The following AFF2 variants were observed in gnomAD, a reference collection of about 807,000 sequenced individuals.
AFF2 encodes ALF transcription elongation factor 2, also known as AF4/FMR2 family member 2.
AFF2 carries 14 observed loss-of-function variants against 76.9 expected under a neutral mutation model. The ratio of observed to expected loss-of-function variants is 0.18; its 90% CI spans 0.12 to 0.28. The LOEUF (loss-of-function observed/expected upper bound fraction) is 0.28. Among genes scored for constraint, AFF2 ranks in the 10% least tolerant of loss-of-function variants. The pLI is 1.00. For synonymous variants in AFF2, 398 were observed against 366.7 expected (o/e 1.09, Z -0.98); for missense variants, 868 against 1,001.1 (o/e 0.87, Z 1.79).
chrX:148,534,749 A>T (rs782576324), intron 1 of AFF2, among the ~76,000 whole-genome samples: 1 of 112,881 alleles, frequency 8.9e-6, no homozygotes, highest in South Asian at 3.6e-4. Context: ...AAGTAATAGA[A>T]GATGTCTGAC....
Position 148,980,625 on chromosome X carries a change from G to A in AFF2, c.3571-113G>A, listed in dbSNP as rs1417851922. ...CACATACATCCCAGCTCTGCATCCC[G>A]AAATGCTGCAATCAATATTAATGTA... is the stretch of plus-strand genomic sequence containing the variant. On this transcript the variant is annotated intron_variant, in intron 18 of 20. Coordinates refer to ENST00000370460, the MANE Select transcript of AFF2 (RefSeq NM_002025.4). 18 of 550,651 alleles carry A rather than the reference G, an allele frequency of 3.3e-5. No homozygotes were observed. The Admixed American group carries it at 3.5e-4, about 11-fold the overall frequency. 45.4% of individuals were successfully genotyped at this position (550,651 alleles called of 1,213,427 possible).
chrX:148,885,226 A>T (rs1267574481), intron 7 of AFF2, among the ~76,000 whole-genome samples: 3 of 111,746 alleles, frequency 2.7e-5, no homozygotes, highest in Non-Finnish European at 5.6e-5. Context: ...CAAAATCCAG[A>T]CCACTCATTT....
intron 3 of AFF2, among the ~76,000 whole-genome samples, chrX:148,797,320 T>C (rs2069997988): frequency 9.0e-6 from 1 of 111,678 alleles, no homozygotes; most frequent in Non-Finnish European, 1.9e-5. Context: ...GTCATACAGT[T>C]TGTCACTGAA....
At chrX:148,923,015 T>C (rs1217571020) in intron 9 of AFF2, among the ~76,000 whole-genome samples, 1 of 111,912 alleles carries the variant, frequency 8.9e-6, no homozygotes, top group Non-Finnish European at 1.9e-5. Flanking sequence ...TGGAGGAACA[T>C]GTTCATTAGA....
intron 2 of AFF2, among the ~76,000 whole-genome samples, chrX:148,659,174 A>G (rs1185192382): frequency 8.9e-6 from 1 of 112,331 alleles, no homozygotes; most frequent in Non-Finnish European, 1.9e-5. Context: ...AATTTCAAGT[A>G]TATTTTTAAA....
At chrX:148,782,831 A>C (rs1180952902) in intron 3 of AFF2, among the ~76,000 whole-genome samples, 2 of 111,756 alleles carry the variant, frequency 1.8e-5, no homozygotes, top group Non-Finnish European at 3.8e-5. Flanking sequence ...CTGAACAGTA[A>C]AAAACGGCAT....
At position 148,621,871 on chromosome X, in the gene AFF2, T is replaced by C. The variant is rs1411808821; in HGVS notation, c.48-30128T>C. ...GTGGGTGAGTCAGAAAGTAAACAAG[T>C]AAATATAGCTATAGAGGTTTGTCCT... On this transcript the variant is annotated intron_variant, in intron 1 of 20. Coordinates refer to ENST00000370460, the MANE Select transcript of AFF2 (RefSeq NM_002025.4). 1.8e-4 allele frequency among the ~76,000 whole-genome samples: 20 copies of C among 111,973 alleles called. No individual in the cohort carries two copies. In the Admixed American group the frequency reaches 1.9e-3, roughly 11 times the overall value.
chrX:148,907,200 T>C (rs782010872), intron 9 of AFF2, among the ~76,000 whole-genome samples: 1 of 111,715 alleles, frequency 9.0e-6, no homozygotes, highest in East Asian at 2.8e-4. Flanking sequence ...CCAAATAGAG[T>C]AAAGGTTCAA....
At chrX:148,925,907 G>T (rs2071645503) in intron 9 of AFF2, among the ~76,000 whole-genome samples, 1 of 112,075 alleles carries the variant, frequency 8.9e-6, no homozygotes, top group South Asian at 3.7e-4. Context: ...TTGAAATCTG[G>T]TTAGCTTTGT....
At chrX:148,982,131 C>T (rs982090259) in intron 19 of AFF2, among the ~76,000 whole-genome samples, 2 of 111,986 alleles carry the variant, frequency 1.8e-5, no homozygotes, top group African/African-American at 3.2e-5. Context: ...GGGAAAAAAG[C>T]GTTTTTTTAA....
intron 3 of AFF2, among the ~76,000 whole-genome samples, chrX:148,692,004 A>G (rs782472443): frequency 1.9e-5 from 2 of 106,496 alleles, no homozygotes; most frequent in African/African-American, 6.9e-5. Flanking sequence ...ACTTGAGATT[A>G]TTAGTTTAAA....
chrX:148,757,954 G>A (rs1422109053), intron 3 of AFF2, among the ~76,000 whole-genome samples: 2 of 112,219 alleles, frequency 1.8e-5, no homozygotes, highest in Admixed American at 1.9e-4. Context: ...ATGCTACCAC[G>A]GAGCTCATTC....
At chrX:148,921,853 C>T (rs1187606382) in intron 9 of AFF2, among the ~76,000 whole-genome samples, 1 of 112,138 alleles carries the variant, frequency 8.9e-6, no homozygotes, top group Non-Finnish European at 1.9e-5. Flanking sequence ...ATTCTGTAAA[C>T]TATTCGTCCT....
chrX:148,764,650 G>A (rs1287858989), intron 3 of AFF2, among the ~76,000 whole-genome samples: 3 of 111,753 alleles, frequency 2.7e-5, no homozygotes, highest in Non-Finnish European at 3.8e-5. Context: ...GTCTCTTTTC[G>A]TACGTGTACT....
intron 9 of AFF2, among the ~76,000 whole-genome samples, chrX:148,942,516 A>T (rs889526191): frequency 1.9e-4 from 21 of 111,647 alleles, no homozygotes; most frequent in African/African-American, 6.5e-4. Flanking sequence ...GGCAAGTAAG[A>T]AAAGAACATT....
At chrX:148,965,215 TGAGG>T (rs2072157173) in intron 13 of AFF2, among the ~76,000 whole-genome samples, 3 of 111,784 alleles carry the variant, frequency 2.7e-5, no homozygotes, top group African/African-American at 9.7e-5. Context: ...TGAGAAGCCA[TGAGG>T]GCCTGCATTT....
intron 3 of AFF2, among the ~76,000 whole-genome samples, chrX:148,698,890 A>G (rs1290303493): frequency 2.8e-5 from 3 of 106,975 alleles, no homozygotes; most frequent in African/African-American, 1.0e-4. Flanking sequence ...GTAAGCAGAC[A>G]TGTGTTTTAT....
At chrX:148,821,938 T>A (rs1376227943) in intron 4 of AFF2, among the ~76,000 whole-genome samples, 1 of 111,667 alleles carries the variant, frequency 9.0e-6, no homozygotes, top group Non-Finnish European at 1.9e-5. Flanking sequence ...TGACTTAAAT[T>A]TTTAGAGGAA....
intron 1 of AFF2, among the ~76,000 whole-genome samples, chrX:148,649,308 G>T (rs1323074971): frequency 8.9e-6 from 1 of 111,823 alleles, no homozygotes; most frequent in Non-Finnish European, 1.9e-5. Context: ...TAGTAATGTT[G>T]GTTTCAGTCA....
Sources: gnomAD v4.1 joint callset for allele counts (sites outside exome capture counted in the v4.1 genomes callset) on GRCh38, gnomAD v4.1.1 for gene constraint, MANE v1.5 for transcripts, NCBI Gene and HGNC (gene_info 2026-07-23, HGNC 2026-07-21) for gene names.